AXL: variants seen among roughly 807,000 people sequenced by gnomAD.
The protein encoded by AXL is tyrosine-protein kinase receptor UFO.
Under a neutral mutation model 104.5 loss-of-function variants are expected in AXL, and 52 were observed. That is an observed-to-expected ratio of 0.50 (90% confidence interval 0.40 to 0.63). The LOEUF is 0.63. Ranked by LOEUF, AXL falls within the 20% of genes least tolerant of loss-of-function variation. The pLI is 0.00. For synonymous variants in AXL, 455 were observed against 473.7 expected (o/e 0.96, Z 0.51); for missense variants, 1,024 against 1,188.5 (o/e 0.86, Z 2.04).
intron 16 of AXL, 151 bp from the exon 17 acceptor site, chr19:41,253,448 C>T (rs574401731): frequency 9.3e-6 from 6 of 645,006 alleles, no homozygotes; most frequent in African/African-American, 1.8e-5. Flanking sequence ...GTTTATAGGA[C>T]CTTGCAGGCC....
chr19:41,252,265 A>T, intron 14 of AXL, 86 bp from the exon 15 acceptor site: 1 of 1,067,344 alleles, frequency 9.4e-7, no homozygotes, highest in Non-Finnish European at 1.4e-6. Context: ...AGTGATGATG[A>T]TGATGATGAT....
chr19:41,238,025 G>A lies in AXL; in HGVS notation c.865G>A (p.Val289Met), dbSNP rs141302305. 1.3e-4 allele frequency: 213 copies of A among 1,613,242 alleles called. No homozygotes were observed. The highest frequency in any genetic ancestry group is 3.4e-5 in the Non-Finnish European group (40 of 1,179,834). Residue 289 changes from valine (V) to methionine (M), a missense_variant, in exon 7 of 20, where the codon GTG becomes ATG. Val to Met is a conservative substitution (Grantham distance 21, BLOSUM62 1). Transcript: ENST00000301178. ...GGAGCCCCTCACCTCGCAAGCATCC[G>A]TGCCCCCCCATCAGCTTCGGCTAGG... ...PEEPLTSQASVPPHQLRLGSL... is the reference protein window; with the variant it reads ...PEEPLTSQASMPPHQLRLGSL...
chr19:41,256,393 A>C, intron 17 of AXL, 59 bp from the exon 18 acceptor site: 1 of 1,581,708 alleles, frequency 6.3e-7, no homozygotes, highest in Non-Finnish European at 8.7e-7. Flanking sequence ...GAGCCAGGGC[A>C]GGCTTCCTGG....
chr19:41,252,208 T>C, intron 14 of AXL, 143 bp from the exon 15 acceptor site: 3 of 601,846 alleles, frequency 5.0e-6, no homozygotes, highest in South Asian at 1.8e-5. Flanking sequence ...ACATATAAAG[T>C]GCTGAGTATG....
chr19:41,236,528 C>T (rs2034082458), intron 6 of AXL, among the ~76,000 whole-genome samples: 1 of 151,664 alleles, frequency 6.6e-6, no homozygotes, highest in Non-Finnish European at 1.5e-5. Context: ...CACCTGTAAT[C>T]CCAGCACTTT....
intron 14 of AXL, among the ~76,000 whole-genome samples, chr19:41,251,448 G>C (rs1209256245): frequency 6.6e-6 from 1 of 151,974 alleles, no homozygotes; most frequent in Non-Finnish European, 1.5e-5. Flanking sequence ...TGTAATCCCA[G>C]CTACTCGGGA....
At chr19:41,243,768 C>A in intron 12 of AXL, 61 bp downstream of exon 12, 1 of 1,478,270 alleles carries the variant, frequency 6.8e-7, no homozygotes, top group South Asian at 1.1e-5. Context: ...AGAATCTGGC[C>A]TGCTGGGCTT....
rs927133417 is a variant in AXL, at chr19:41,260,613, T to G, written c.*709T>G. ...AGGCATGAGCCACTGCACTCAACCT[T>G]AAGACCTACTGTTCTAAAGCTCTGA... On this transcript the variant is annotated 3_prime_UTR_variant, in exon 20 of 20. Transcript: ENST00000301178. 2 of 152,114 alleles carry G rather than the reference T, an allele frequency of 1.3e-5. No individual in the cohort carries two copies. Among genetic ancestry groups the G allele is most frequent in the Non-Finnish European group, 2.9e-5 (2 of 68,036 alleles). 9.4% of individuals were successfully genotyped at this position (152,114 alleles called of 1,614,324 possible).
At position 41,219,480 on chromosome 19, in the gene AXL, G is replaced by A; in HGVS notation, c.85+3G>A. The A allele has an allele frequency of 6.2e-7, 1 of 1,601,004 alleles. No individual in the cohort carries two copies. The highest frequency in any genetic ancestry group is 8.5e-7 in the Non-Finnish European group (1 of 1,174,250). ...CTGGGCGTGCATGGCCCCCAGGGGT[G>A]AGTGATGGGGGCTCCTTGGGGCAGG... On this transcript the variant is annotated splice_donor_region_variant and intron_variant, in intron 1 of 19. Transcript: ENST00000301178.
chr19:41,234,542 GA>G (rs2034046717), intron 6 of AXL, among the ~76,000 whole-genome samples: 1 of 151,712 alleles, frequency 6.6e-6, no homozygotes, highest in African/African-American at 2.4e-5. Flanking sequence ...CTAAAAAAAA[GA>G]AAAAAGAAAA....
In AXL at chr19:41,242,883, T is replaced by G. The variant is rs777320694; in HGVS notation, c.1313T>G (p.Val438Gly). 1.2e-6 allele frequency: 2 copies of G among 1,614,168 alleles called. No homozygotes were observed. The highest frequency in any genetic ancestry group is 1.7e-6 in the Non-Finnish European group (2 of 1,180,014). Residue 438 changes from valine to glycine, a missense_variant and splice_region_variant, in exon 11 of 20, where the codon GTG becomes GGG. Coordinates refer to ENST00000301178, the MANE Select transcript of AXL (RefSeq NM_021913.5). ...ACCTGTTCCTCATACCCCCTGATAG[T>G]GAAGGAACCTTCAACTCCTGCCTTC... ...PGQAQPVHQLVKEPSTPAFSW... is the reference protein window; with the variant it reads ...PGQAQPVHQLGKEPSTPAFSW...
Position 41,257,614 on chromosome 19 carries a change from A to G in AXL, c.2318A>G (p.Asp773Gly), listed in dbSNP as rs773904444. 3.1e-6 allele frequency: 5 copies of G among 1,614,026 alleles called. No homozygotes were observed. The African/African-American group carries it at 6.7e-5, about 22-fold the overall frequency. The change falls in exon 19 of 20, where the codon GAC becomes GGC. Residue 773 changes from aspartate to glycine, a missense_variant. Transcript: ENST00000301178. The part of the protein sequence containing the change: ...RQGNRLKQPA[D>G]CLDGLYALMS... ...GGAAATCGCCTGAAGCAGCCTGCGG[A>G]CTGTCTGGATGGACTGTGAGGACCC...
intron 8 of AXL, 68 bp from the exon 9 acceptor site, chr19:41,239,096 G>C: frequency 1.3e-6 from 2 of 1,580,770 alleles, no homozygotes; most frequent in African/African-American, 2.7e-5. Context: ...GGGGCATTGA[G>C]CCCGAGAGTG....
At chr19:41,233,180 G>A (rs1488536591) in intron 6 of AXL, among the ~76,000 whole-genome samples, 1 of 151,924 alleles carries the variant, frequency 6.6e-6, no homozygotes, top group Non-Finnish European at 1.5e-5. Context: ...AGTAGAGACA[G>A]GGTTTCACCA....
At chr19:41,238,397 C>T in intron 7 of AXL, 73 bp from the exon 8 acceptor site, 1 of 1,571,750 alleles carries the variant, frequency 6.4e-7, no homozygotes, top group Non-Finnish European at 8.7e-7. Context: ...CACCCTGCAC[C>T]CACTTCCTGG....
At chr19:41,222,926 G>T (rs908225740) in intron 4 of AXL, among the ~76,000 whole-genome samples, 17 of 137,486 alleles carry the variant, frequency 1.2e-4, no homozygotes, top group African/African-American at 4.2e-4. Flanking sequence ...AAAAAAAAAA[G>T]AAAGTGGGAG....
In AXL at chr19:41,239,187, G is replaced by A. The variant is rs1265471096; in HGVS notation, c.1158G>A (p.Arg386=). 1 of 1,613,346 alleles carries A rather than the reference G, an allele frequency of 6.2e-7. No homozygotes were observed. Among genetic ancestry groups the A allele is most frequent in the Admixed American group, 1.7e-5 (1 of 59,948 alleles). ...TPEVLMDIGL[R]QEVTLELQGD... Reference sequence around the variant, plus strand: ...AGGTGCTAATGGACATAGGGCTAAGGCAAGAGGTGACCCTGGAGCTGCAGG... The same window carrying A: ...AGGTGCTAATGGACATAGGGCTAAGACAAGAGGTGACCCTGGAGCTGCAGG... The change falls in exon 9 of 20, where the codon AGG becomes AGA. Residue 386 remains arginine, a synonymous_variant. Coordinates refer to ENST00000301178, the MANE Select transcript of AXL (RefSeq NM_021913.5).
At chr19:41,247,491 G>GA (rs1178280843) in intron 12 of AXL, among the ~76,000 whole-genome samples, 1 of 151,594 alleles carries the variant, frequency 6.6e-6, no homozygotes, top group African/African-American at 2.4e-5. Flanking sequence ...CAACAGGAAC[G>GA]AAACTCCATC....
intron 3 of AXL, 137 bp from the exon 4 acceptor site, chr19:41,221,743 C>T: frequency 1.1e-6 from 1 of 908,148 alleles, no homozygotes; most frequent in Non-Finnish European, 1.6e-6. Flanking sequence ...GCTCAGGTGC[C>T]CTCGGGGATC....
Sources: allele counts gnomAD v4.1 joint callset (sites outside exome capture counted in the v4.1 genomes callset), GRCh38; gene constraint gnomAD v4.1.1; transcripts MANE v1.5; gene names NCBI Gene and HGNC (gene_info 2026-07-23, HGNC 2026-07-21).